The following CNBD1 variants were observed in gnomAD, a reference collection of about 807,000 sequenced individuals.
CNBD1 encodes cyclic nucleotide-binding domain-containing protein 1.
In CNBD1, 71 loss-of-function variants were observed where a neutral mutation model predicts 54.4. That is an observed-to-expected ratio of 1.30 (90% confidence interval 1.08 to 1.59). The LOEUF is 1.59. Among genes scored for constraint, CNBD1 ranks in the 40% most tolerant of loss-of-function variants. The pLI, the probability that CNBD1 is intolerant of heterozygous loss-of-function variation, is 0.00. For synonymous variants in CNBD1, 182 were observed against 170.7 expected (o/e 1.07, Z -0.51); for missense variants, 659 against 518.0 (o/e 1.27, Z -2.64).
At chr8:86,899,652 A>G (rs1325090422) in intron 2 of CNBD1, among the ~76,000 whole-genome samples, 1 of 151,994 alleles carries the variant, frequency 6.6e-6, no homozygotes, top group Non-Finnish European at 1.5e-5. Context: ...AGGCTTAGGG[A>G]TATAAATCTG....
intron 4 of CNBD1, among the ~76,000 whole-genome samples, chr8:87,066,514 T>G (rs917342799): frequency 2.0e-5 from 3 of 151,936 alleles, no homozygotes; most frequent in Non-Finnish European, 4.4e-5. Context: ...CCAGAACACT[T>G]TGGAGATTTG....
chr8:87,198,915 C>G (rs576128324), intron 4 of CNBD1, among the ~76,000 whole-genome samples: 1 of 152,316 alleles, frequency 6.6e-6, no homozygotes, highest in Non-Finnish European at 1.5e-5. Context: ...CGGGCATCTG[C>G]TCAGCTTCTA....
chr8:87,268,916 C>T (rs1808312235), intron 6 of CNBD1, among the ~76,000 whole-genome samples: 1 of 151,958 alleles, frequency 6.6e-6, no homozygotes. Flanking sequence ...TGTAGAAGCT[C>T]TTTAGCTTAA....
At chr8:87,324,718 G>A (rs1019052590) in intron 8 of CNBD1, among the ~76,000 whole-genome samples, 26 of 150,894 alleles carry the variant, frequency 1.7e-4, no homozygotes, top group Admixed American at 4.0e-4. Context: ...TCTTGCTAGC[G>A]GTCTATCAAT....
chr8:87,349,352 T>C, intron 8 of CNBD1, among the ~76,000 whole-genome samples: 1 of 152,164 alleles, frequency 6.6e-6, no homozygotes, highest in East Asian at 1.9e-4. Context: ...AATATTAATA[T>C]TTAAATGTTC....
chr8:86,893,765 C>T (rs1229079473), intron 2 of CNBD1, among the ~76,000 whole-genome samples: 1 of 152,048 alleles, frequency 6.6e-6, no homozygotes, highest in Non-Finnish European at 1.5e-5. Flanking sequence ...CTGCATTTAC[C>T]CAGTAATTAA....
intron 2 of CNBD1, among the ~76,000 whole-genome samples, chr8:86,900,907 G>A (rs902332971): frequency 6.6e-6 from 1 of 152,064 alleles, no homozygotes; most frequent in African/African-American, 2.4e-5. Flanking sequence ...AAAATGAAAA[G>A]TTTGAGATTA....
At chr8:87,399,429 A>T (rs947170928) in intron 2 of CNBD1, among the ~76,000 whole-genome samples, 1 of 152,000 alleles carries the variant, frequency 6.6e-6, no homozygotes, top group Non-Finnish European at 1.5e-5. Context: ...GAAGGAAATC[A>T]CTTAATTGGA....
chr8:87,332,350 GAAAA>G (rs34418577), intron 8 of CNBD1, among the ~76,000 whole-genome samples: 2 of 116,386 alleles, frequency 1.7e-5, no homozygotes, highest in South Asian at 3.2e-4. Flanking sequence ...TCTGTCTAAA[GAAAA>G]AAAAAAAAAA....
At chr8:87,393,627 A>G (rs748268886) in intron 2 of CNBD1, among the ~76,000 whole-genome samples, 8 of 151,910 alleles carry the variant, frequency 5.3e-5, no homozygotes, top group African/African-American at 9.7e-5. Flanking sequence ...ACCAAATGAT[A>G]GAAATATAAA....
At chr8:86,961,366 C>G (rs1188786663) in intron 4 of CNBD1, among the ~76,000 whole-genome samples, 1 of 152,146 alleles carries the variant, frequency 6.6e-6, no homozygotes, top group Non-Finnish European at 1.5e-5. Flanking sequence ...CCAAACAGCA[C>G]CAAAGGAGAA....
At chr8:86,951,798 G>C (rs1415726590) in intron 4 of CNBD1, among the ~76,000 whole-genome samples, 1 of 151,242 alleles carries the variant, frequency 6.6e-6, no homozygotes, top group Non-Finnish European at 1.5e-5. Context: ...CGTTGCTGTT[G>C]TGAAAAGAAA....
chr8:87,235,814 A>C (rs1023812990), intron 5 of CNBD1, among the ~76,000 whole-genome samples: 1 of 152,198 alleles, frequency 6.6e-6, no homozygotes, highest in South Asian at 2.1e-4. Context: ...GATGTATAAA[A>C]AATGCCATAT....
chr8:87,078,114 T>C (rs1192623223), intron 4 of CNBD1, among the ~76,000 whole-genome samples: 2 of 152,134 alleles, frequency 1.3e-5, no homozygotes, highest in African/African-American at 4.8e-5. Context: ...TTGTAGGAGT[T>C]CATTAGAATT....
chr8:87,423,540 G>T (rs1019201855), intron 2 of CNBD1, among the ~76,000 whole-genome samples: 1 of 150,888 alleles, frequency 6.6e-6, no homozygotes, highest in East Asian at 1.9e-4. Context: ...TAATCATGTG[G>T]TTTCTGTCTT....
At chr8:86,883,043 A>G (rs1007228038) in intron 1 of CNBD1, among the ~76,000 whole-genome samples, 13 of 152,118 alleles carry the variant, frequency 8.5e-5, no homozygotes, top group Admixed American at 6.5e-4. Context: ...GGGAGGAAGG[A>G]TAGGACCAGA....
At chr8:87,373,105 T>C (rs1810852510) in intron 10 of CNBD1, among the ~76,000 whole-genome samples, 1 of 151,806 alleles carries the variant, frequency 6.6e-6, no homozygotes, top group South Asian at 2.1e-4. Context: ...CAGTAATAAA[T>C]AAAGGCATAG....
rs941584514 is a variant in CNBD1, at chr8:87,192,344, A to G, written c.432-13649A>G. ...TATTCTTTTTAATTTATTGTATGTCAGATCCAATAAACCTGGAACATCTCC... is the reference window on the plus strand; with the variant it reads ...TATTCTTTTTAATTTATTGTATGTCGGATCCAATAAACCTGGAACATCTCC... On this transcript the variant is annotated intron_variant, in intron 4 of 10. Coordinates refer to ENST00000518476, the MANE Select transcript of CNBD1 (RefSeq NM_173538.3). 2.4e-4 allele frequency among the ~76,000 whole-genome samples: 37 copies of G among 152,282 alleles called. 1 individual carries two copies. The highest frequency in any genetic ancestry group is 8.7e-4 in the African/African-American group (36 of 41,560).
chr8:86,903,506 A>G (rs1808970162), intron 2 of CNBD1, among the ~76,000 whole-genome samples: 1 of 152,104 alleles, frequency 6.6e-6, no homozygotes, highest in South Asian at 2.1e-4. Flanking sequence ...AGATGCATAT[A>G]CATTACTTAG....
Sources: allele counts gnomAD v4.1 joint callset (sites outside exome capture counted in the v4.1 genomes callset), GRCh38; gene constraint gnomAD v4.1.1; transcripts MANE v1.5; gene names NCBI Gene and HGNC (gene_info 2026-07-23, HGNC 2026-07-21).